Variants in VPS35L observed in about 807,000 individuals in gnomAD.
VPS35L encodes the protein VPS35 endosomal protein-sorting factor-like.
In VPS35L, 83 loss-of-function variants were observed where a neutral mutation model predicts 133.0. The ratio of observed to expected loss-of-function variants is 0.62; its 90% CI spans 0.52 to 0.75. The LOEUF (loss-of-function observed/expected upper bound fraction) is 0.75, where lower values mean the gene tolerates loss of function less well. Ranked by LOEUF, VPS35L falls within the 30% of genes least tolerant of loss-of-function variation. The pLI is 0.00. For missense variants in VPS35L, 1,083 were observed against 1,206.8 expected (o/e 0.90, Z 1.52); for synonymous variants, 423 against 449.9 (o/e 0.94, Z 0.76).
At chr16:19,599,052 A>G (rs1972301524) in intron 8 of VPS35L, among the ~76,000 whole-genome samples, 1 of 152,176 alleles carries the variant, frequency 6.6e-6, no homozygotes, top group South Asian at 2.1e-4. Context: ...GTGGCGCTAT[A>G]GGGAACCCAG....
chr16:19,608,084 C>A lies in VPS35L; in HGVS notation c.785-94C>A, dbSNP rs142071898. 1,235 of 865,710 alleles carry A rather than the reference C, an allele frequency of 1.4e-3. 6 individuals carry two copies. The Middle Eastern group carries it at 0.016, about 11-fold the overall frequency. 53.6% of individuals were successfully genotyped at this position (865,710 alleles called of 1,614,324 possible). On this transcript the variant is annotated intron_variant, in intron 9 of 30. Transcript: ENST00000417362. ...AGGAAAGAAACAGGCTGAGTCACCC[C>A]CTTTTCTGCTCCAGGGTAATGTATT...
chr16:19,677,515 G>A (rs1975104757), intron 27 of VPS35L, among the ~76,000 whole-genome samples: 1 of 152,212 alleles, frequency 6.6e-6, no homozygotes, highest in South Asian at 2.1e-4. Context: ...TAAGTAGTCA[G>A]CTAGGCACAG....
chr16:19,693,854 C>T (rs1451505062), intron 29 of VPS35L, among the ~76,000 whole-genome samples: 4 of 146,852 alleles, frequency 2.7e-5, no homozygotes, highest in African/African-American at 7.5e-5. Flanking sequence ...GAGGCTGAGG[C>T]GGGAATTGAA....
intron 14 of VPS35L, among the ~76,000 whole-genome samples, chr16:19,620,508 A>G (rs555647564): frequency 9.4e-4 from 143 of 152,294 alleles, no homozygotes; most frequent in Non-Finnish European, 1.9e-3. Flanking sequence ...TGACGAGTCT[A>G]TAATTAATTC....
At chr16:19,626,866 G>A (rs796713008) in intron 15 of VPS35L, among the ~76,000 whole-genome samples, 32 of 151,722 alleles carry the variant, frequency 2.1e-4, no homozygotes, top group African/African-American at 7.5e-4. Flanking sequence ...ACGAATATGA[G>A]GTTGTCTCTC....
chr16:19,608,473 CT>C, intron 10 of VPS35L, 199 bp downstream of exon 10: 4 of 534,366 alleles, frequency 7.5e-6, no homozygotes, highest in Non-Finnish European at 1.3e-5. Flanking sequence ...AGTTTTTTGT[CT>C]TTTACTTTGA....
intron 8 of VPS35L, among the ~76,000 whole-genome samples, chr16:19,600,340 C>CT (rs1315240014): frequency 6.6e-6 from 1 of 151,666 alleles, no homozygotes; most frequent in Non-Finnish European, 1.5e-5. Flanking sequence ...AATAAGGACT[C>CT]TAATTTTTTA....
chr16:19,588,527 T>C (rs1971944292), intron 7 of VPS35L, among the ~76,000 whole-genome samples: 1 of 152,176 alleles, frequency 6.6e-6, no homozygotes, highest in Admixed American at 6.6e-5. Context: ...TTTTTTCTTC[T>C]TCTTTTTTTA....
Position 19,699,602 on chromosome 16 carries a change from T to A in VPS35L, c.2747T>A (p.Leu916Gln). ...NNKLNQLSVN[L>Q]WHLAQRHGCA... ...AAGCTCAACCAGCTCTCCGTCAACC[T>A]GTGGCACCTGGCACAGAGGCACGGC... Residue 916 changes from leucine to glutamine, a missense_variant, in exon 30 of 31, where the codon CTG (leucine) becomes CAG (glutamine). Physicochemically the swap from Leu to Gln is moderately radical, Grantham distance 113. Transcript: ENST00000417362. This position sits in a 1 kb window ranked among gnomAD's most constrained non-coding sequence, Gnocchi z 4.2. 6.2e-7 allele frequency: 1 copy of A among 1,614,090 alleles called. No homozygotes were observed.
rs771730658 is a variant in VPS35L, at chr16:19,640,003, CTTTA to C, written c.1699-6_1699-3del. The C allele has an allele frequency of 7.4e-6, 12 of 1,612,262 alleles. No individual in the cohort carries two copies. The East Asian group carries it at 1.1e-4, about 15-fold the overall frequency. ...GTGTCATTTGCATATAGAGTGCTTG[CTTTA>C]TTTATAGGAAAAATTTCTGCCGTTT... On this transcript the variant is annotated splice_polypyrimidine_tract_variant and splice_region_variant and intron_variant, in intron 20 of 30. Coordinates refer to ENST00000417362, the MANE Select transcript of VPS35L (RefSeq NM_020314.7).
At position 19,699,445 on chromosome 16, in the gene VPS35L, C is replaced by G. The variant is rs1335109198; in HGVS notation, c.2647-57C>G. 42 of 1,603,862 alleles carry G rather than the reference C, an allele frequency of 2.6e-5. No homozygotes were observed. Among genetic ancestry groups the G allele is most frequent in the Non-Finnish European group, 8.5e-7 (1 of 1,174,046 alleles). Reference sequence around the variant, plus strand: ...AGAGTCAGCACTGTCCACAGCATCTCTGCGGGGCACGGCCTGAGCCCCAGT... The same window carrying G: ...AGAGTCAGCACTGTCCACAGCATCTGTGCGGGGCACGGCCTGAGCCCCAGT... On this transcript the variant is annotated intron_variant, in intron 29 of 30. Transcript: ENST00000417362. This position sits in a 1 kb window ranked among gnomAD's most constrained non-coding sequence, Gnocchi z 4.2.
chr16:19,604,691 G>A (rs1233287734), intron 9 of VPS35L, among the ~76,000 whole-genome samples: 1 of 152,182 alleles, frequency 6.6e-6, no homozygotes, highest in Non-Finnish European at 1.5e-5. Context: ...TCTGCCCAAA[G>A]AGATTATGTG....
chr16:19,678,603 A>G (rs55864375), intron 27 of VPS35L, among the ~76,000 whole-genome samples: 15,251 of 151,290 alleles, frequency 0.1, 1,086 homozygotes, highest in East Asian at 0.2. Context: ...TCAGCCTCCC[A>G]AGTATCTGGG....
At chr16:19,597,347 A>C (rs1972248577) in intron 8 of VPS35L, among the ~76,000 whole-genome samples, 1 of 150,554 alleles carries the variant, frequency 6.6e-6, no homozygotes, top group African/African-American at 2.5e-5. Context: ...ACCCTAGCAA[A>C]AGTAAGACCC....
At chr16:19,584,879 G>A (rs1971817344) in intron 7 of VPS35L, among the ~76,000 whole-genome samples, 1 of 151,918 alleles carries the variant, frequency 6.6e-6, no homozygotes, top group South Asian at 2.1e-4. Context: ...TTTGATAGTA[G>A]TCATTTTCAT....
At chr16:19,627,561 T>A (rs1372861156) in intron 15 of VPS35L, 133 bp from the exon 16 acceptor site, 6 of 673,746 alleles carry the variant, frequency 8.9e-6, no homozygotes, top group African/African-American at 1.8e-5. Flanking sequence ...ACCTTTTTAC[T>A]CTGATTTTTT....
At position 19,669,264 on chromosome 16, in the gene VPS35L, C is replaced by T; in HGVS notation, c.2326C>T (p.Leu776Phe). The stretch of plus-strand genomic sequence containing the variant: ...ATCGGAATCGTTCCTTCTGGAATTC[C>T]TCTGCAATTTCTTTTCTACTTTATT... Reference protein sequence around the residue: ...RPSESFLLEFLCNFFSTLLIV... With the variant: ...RPSESFLLEFFCNFFSTLLIV... Residue 776 changes from leucine (L) to phenylalanine (F), a missense_variant, in exon 27 of 31, where the codon CTC becomes TTC. Physicochemically the swap from Leu to Phe is conservative, Grantham distance 22 (BLOSUM62 0). Transcript: ENST00000417362. 3 of 1,613,070 alleles carry T rather than the reference C, an allele frequency of 1.9e-6. No homozygotes were observed. Among genetic ancestry groups the T allele is most frequent in the Non-Finnish European group, 2.5e-6 (3 of 1,179,292 alleles).
At chr16:19,618,603 C>T (rs950385897) in intron 14 of VPS35L, among the ~76,000 whole-genome samples, 1 of 152,134 alleles carries the variant, frequency 6.6e-6, no homozygotes, top group African/African-American at 2.4e-5. Flanking sequence ...GCTCTGGAGT[C>T]GGGGTGCCTG....
intron 12 of VPS35L, among the ~76,000 whole-genome samples, chr16:19,612,656 C>T (rs138106923): frequency 0.015 from 2,359 of 152,228 alleles, 24 homozygotes; most frequent in Middle Eastern, 0.037. Flanking sequence ...ATCGGAGACC[C>T]GGTGATAAAG....
Sources: allele counts gnomAD v4.1 joint callset (sites outside exome capture counted in the v4.1 genomes callset), GRCh38; gene constraint gnomAD v4.1.1; non-coding constraint Gnocchi (gnomAD v3.1); transcripts MANE v1.5; gene names NCBI Gene and HGNC (gene_info 2026-07-23, HGNC 2026-07-21).